SOS2: variants seen among roughly 807,000 people sequenced by gnomAD.
SOS2 encodes son of sevenless homolog 2.
In SOS2, 65 loss-of-function variants were observed where a neutral mutation model predicts 148.2. The ratio of observed to expected loss-of-function variants is 0.44; its 90% CI spans 0.36 to 0.54. SOS2 has a LOEUF of 0.54. SOS2 is among the 20% of genes least tolerant of loss of function. The pLI, the probability that SOS2 is intolerant of heterozygous loss-of-function variation, is 0.00. For missense variants in SOS2, 1,341 were observed against 1,590.2 expected (o/e 0.84, Z 2.67); for synonymous variants, 539 against 537.1 (o/e 1.00, Z -0.05).
At chr14:50,216,785 AAAATAC>A (rs1310502062) in intron 1 of SOS2, among the ~76,000 whole-genome samples, 1 of 140,932 alleles carries the variant, frequency 7.1e-6, no homozygotes, top group African/African-American at 2.8e-5. Context: ...AATAAAAATA[AAAATAC>A]AATATACTGC....
chr14:50,133,541 T>A (rs1274516092), intron 19 of SOS2, among the ~76,000 whole-genome samples: 2 of 152,206 alleles, frequency 1.3e-5, no homozygotes, highest in Non-Finnish European at 2.9e-5. Flanking sequence ...CACACAATTG[T>A]GAAGATGAGA....
chr14:50,226,013 C>T (rs867558231), intron 1 of SOS2, among the ~76,000 whole-genome samples: 2 of 151,900 alleles, frequency 1.3e-5, no homozygotes, highest in African/African-American at 2.4e-5. Flanking sequence ...CCTTCCCCCC[C>T]GCCCTTTTTT....
intron 21 of SOS2, among the ~76,000 whole-genome samples, chr14:50,124,019 G>T (rs1883607632): frequency 6.6e-6 from 1 of 152,092 alleles, no homozygotes; most frequent in African/African-American, 2.4e-5. Flanking sequence ...AGATGAGGAG[G>T]CAGTGAGAGG....
At chr14:50,171,177 A>G (rs1340832421) in intron 8 of SOS2, among the ~76,000 whole-genome samples, 1 of 152,150 alleles carries the variant, frequency 6.6e-6, no homozygotes, top group East Asian at 1.9e-4. Flanking sequence ...GAGAAATCAG[A>G]ACCCTGTGCA....
chr14:50,203,775 A>C (rs994722068), intron 2 of SOS2, among the ~76,000 whole-genome samples: 1 of 151,250 alleles, frequency 6.6e-6, no homozygotes. Flanking sequence ...CATCATCTCA[A>C]CTGACATAGA....
At position 50,188,675 on chromosome 14, in the gene SOS2, T is replaced by C. The variant is rs770997822; in HGVS notation, c.536A>G (p.Asp179Gly). 2 of 1,603,720 alleles carry C rather than the reference T, an allele frequency of 1.2e-6. No homozygotes were observed. The highest frequency in any genetic ancestry group is 1.7e-6 in the Non-Finnish European group (2 of 1,176,594). The change falls in exon 5 of 23, where the codon GAT becomes GGT. Residue 179 changes from aspartate (D) to glycine (G), a missense_variant. Coordinates refer to ENST00000216373, the MANE Select transcript of SOS2 (RefSeq NM_006939.4). ...DKVLMDMFDQ[D>G]DIGLVSLCED... ...ACAGAGAGAAACCAAACCTATGTCATCCTGATCAAACATGTCCATCAAAAC... is the reference window on the plus strand; with the variant it reads ...ACAGAGAGAAACCAAACCTATGTCACCCTGATCAAACATGTCCATCAAAAC...
chr14:50,177,878 T>A (rs1011014033), intron 7 of SOS2, among the ~76,000 whole-genome samples: 1 of 152,162 alleles, frequency 6.6e-6, no homozygotes, highest in African/African-American at 2.4e-5. Flanking sequence ...GGCAGCTGGT[T>A]ATATGAAAGT....
chr14:50,173,315 T>C (rs1885426856), intron 8 of SOS2, among the ~76,000 whole-genome samples: 1 of 152,210 alleles, frequency 6.6e-6, no homozygotes, highest in African/African-American at 2.4e-5. Flanking sequence ...TGTAGGCATC[T>C]AGGCAAGGAA....
intron 3 of SOS2, among the ~76,000 whole-genome samples, chr14:50,200,114 G>A (rs558160195): frequency 6.6e-6 from 1 of 151,940 alleles, no homozygotes; most frequent in South Asian, 2.1e-4. Flanking sequence ...ATCTTGGGTT[G>A]GACTCCACTA....
At chr14:50,209,274 C>CGTGTGTGGGT (rs1886780835) in intron 1 of SOS2, among the ~76,000 whole-genome samples, 1 of 118,276 alleles carries the variant, frequency 8.5e-6, no homozygotes, top group Non-Finnish European at 1.9e-5. Context: ...CCTTAAATGT[C>CGTGTGTGGGT]GTGTGTGTGT....
At chr14:50,129,346 C>T (rs1281391611) in intron 21 of SOS2, among the ~76,000 whole-genome samples, 2 of 152,010 alleles carry the variant, frequency 1.3e-5, no homozygotes, top group African/African-American at 4.8e-5. Flanking sequence ...CATTCTATGC[C>T]AAGCAATATT....
At chr14:50,139,495 G>C (rs1450568549) in intron 17 of SOS2, among the ~76,000 whole-genome samples, 1 of 152,064 alleles carries the variant, frequency 6.6e-6, no homozygotes, top group African/African-American at 2.4e-5. Flanking sequence ...TCACAACAAA[G>C]AATTATTTGG....
rs901541087 is a variant in SOS2 at position 50,130,482 on chromosome 14, G to A, written c.3337+19C>T. The A allele has an allele frequency of 1.2e-6, 2 of 1,603,350 alleles. No individual in the cohort carries two copies. Among genetic ancestry groups the A allele is most frequent in the Non-Finnish European group, 1.7e-6 (2 of 1,174,258 alleles). ...CACAGGATTCCTTTTTTACCAAGCG[G>A]TTTACATCAAATACTTACCACAGGA... is the stretch of plus-strand genomic sequence containing the variant. On this transcript the variant is annotated intron_variant, in intron 20 of 22. Coordinates refer to ENST00000216373, the MANE Select transcript of SOS2 (RefSeq NM_006939.4).
At position 50,159,454 on chromosome 14, in the gene SOS2, C is replaced by T; in HGVS notation, c.1829G>A (p.Arg610Lys). Reference sequence around the variant, plus strand: ...ACCTGCATACATATGATATGTTAACCTTTCAATTAATTTCACTACAGTTCC... The same window carrying T: ...ACCTGCATACATATGATATGTTAACTTTTCAATTAATTTCACTACAGTTCC... The part of the protein sequence containing the change: ...KGGTVVKLIE[R>K]LTYHMYADPN... Residue 610 changes from arginine to lysine, a missense_variant, in exon 10 of 23, where the codon AGG becomes AAG. Physicochemically the swap from Arg to Lys is conservative, Grantham distance 26 (BLOSUM62 2). This residue lies in a region of SOS2 where 5 missense variants were observed against 24.7 expected (regional missense o/e 0.20). Transcript: ENST00000216373. 1.2e-6 allele frequency: 2 copies of T among 1,610,886 alleles called. No individual in the cohort carries two copies. Among genetic ancestry groups the T allele is most frequent in the Non-Finnish European group, 1.7e-6 (2 of 1,177,750 alleles).
chr14:50,147,266 T>C (rs1313013608), intron 14 of SOS2, among the ~76,000 whole-genome samples: 2 of 151,734 alleles, frequency 1.3e-5, no homozygotes, highest in East Asian at 3.9e-4. Flanking sequence ...TCCTGGCGTT[T>C]TGGGAGGTTG....
At chr14:50,152,079 T>C (rs531331931) in intron 13 of SOS2, among the ~76,000 whole-genome samples, 1 of 152,306 alleles carries the variant, frequency 6.6e-6, no homozygotes, top group South Asian at 2.1e-4. Context: ...CACATAAAAA[T>C]GTATCATAAA....
At chr14:50,174,214 T>C (rs1455050595) in intron 8 of SOS2, among the ~76,000 whole-genome samples, 6 of 152,074 alleles carry the variant, frequency 3.9e-5, no homozygotes, top group Middle Eastern at 3.2e-3. Flanking sequence ...AATGTGTTGC[T>C]TGGGTCCCAG....
chr14:50,118,936 G>C (rs2139466210), intron 22 of SOS2, 83 bp from the exon 23 acceptor site: 1 of 870,374 alleles, frequency 1.1e-6, no homozygotes, highest in Non-Finnish European at 1.6e-6. Context: ...ATTCTTACTT[G>C]TCAAGTTAAA....
chr14:50,127,264 C>A (rs1217017276), intron 21 of SOS2, among the ~76,000 whole-genome samples: 4 of 151,826 alleles, frequency 2.6e-5, no homozygotes, highest in Admixed American at 6.6e-5. Context: ...GTCTCAGCCT[C>A]CCAAATAGCT....
Sources: gnomAD v4.1 joint callset for allele counts (sites outside exome capture counted in the v4.1 genomes callset) on GRCh38, gnomAD v4.1.1 for gene constraint, gnomAD v4.1.1 regional missense constraint, MANE v1.5 for transcripts, NCBI Gene and HGNC (gene_info 2026-07-23, HGNC 2026-07-21) for gene names.